The following POU6F2 variants were observed in gnomAD, a reference collection of about 807,000 sequenced individuals.
POU6F2 encodes POU class 6 homeobox 2, also known as POU domain, class 6, transcription factor 2.
A neutral mutation model predicts 71.3 loss-of-function variants in POU6F2; 31 were observed. The ratio of observed to expected loss-of-function variants is 0.43; its 90% CI spans 0.33 to 0.59. The LOEUF (loss-of-function observed/expected upper bound fraction) is 0.59, where lower values mean the gene tolerates loss of function less well. Ranked by LOEUF, POU6F2 falls within the 20% of genes least tolerant of loss-of-function variation. The pLI, the probability that POU6F2 is intolerant of heterozygous loss-of-function variation, is 0.04. For missense variants in POU6F2, 783 were observed against 856.8 expected (o/e 0.91, Z 1.07); for synonymous variants, 347 against 355.7 (o/e 0.98, Z 0.27).
At chr7:39,106,451 G>A (rs1255087411) in intron 2 of POU6F2, among the ~76,000 whole-genome samples, 1 of 152,140 alleles carries the variant, frequency 6.6e-6, no homozygotes, top group Non-Finnish European at 1.5e-5. Context: ...AATAAAATGG[G>A]TTTGTAGTTT....
intron 4 of POU6F2, among the ~76,000 whole-genome samples, chr7:39,291,199 A>G (rs1292407338): frequency 1.3e-5 from 2 of 152,216 alleles, no homozygotes; most frequent in Non-Finnish European, 2.9e-5. Context: ...CCATCTAATC[A>G]CCACTGTCTT....
intron 5 of POU6F2, among the ~76,000 whole-genome samples, chr7:39,368,050 A>C (rs2115740204): frequency 6.6e-6 from 1 of 152,254 alleles, no homozygotes; most frequent in Non-Finnish European, 1.5e-5. Flanking sequence ...TTGAAATTAG[A>C]CCAATTAATA....
chr7:39,466,962 C>A lies in POU6F2; in HGVS notation c.*2276C>A, dbSNP rs776820735. On this transcript the variant is annotated 3_prime_UTR_variant, in exon 10 of 10. Transcript: ENST00000518318. The stretch of plus-strand genomic sequence containing the variant: ...AAATTCCATCAAGAAAAGCTCCCTG[C>A]GAAGAGAAGTTAACAAGATAACATA... 3 of 152,050 alleles carry A rather than the reference C, an allele frequency of 2.0e-5. No individual in the cohort carries two copies. Among genetic ancestry groups the A allele is most frequent in the Non-Finnish European group, 4.4e-5 (3 of 68,014 alleles). The allele number at this position is 152,050 out of a possible 1,614,324, so 9.4% of individuals were successfully genotyped here. A position where few individuals can be genotyped will look rare whatever the true frequency, so the allele number is the denominator to read the frequency against.
chr7:39,387,727 C>T lies in POU6F2; in HGVS notation c.973-18873C>T, dbSNP rs117681634. Among the ~76,000 whole-genome samples, 50 of 152,326 alleles carry T rather than the reference C, an allele frequency of 3.3e-4. No homozygotes were observed. In the East Asian group the frequency reaches 4.2e-3, roughly 13 times the overall value. Reference sequence around the variant, plus strand: ...TGTTTTCATTTGCTACAGATGCTCTCGAGCTGCTGTCTTGATAGTCATGGA... The same window carrying T: ...TGTTTTCATTTGCTACAGATGCTCTTGAGCTGCTGTCTTGATAGTCATGGA... On this transcript the variant is annotated intron_variant, in intron 5 of 9. Transcript: ENST00000518318.
intron 5 of POU6F2, among the ~76,000 whole-genome samples, chr7:39,353,666 C>T (rs984820413): frequency 2.6e-5 from 4 of 152,136 alleles, no homozygotes; most frequent in African/African-American, 9.7e-5. Flanking sequence ...GAGAGAATGA[C>T]TAAGCAGTGC....
chr7:39,393,460 T>C (rs1787113243), intron 5 of POU6F2, among the ~76,000 whole-genome samples: 1 of 152,216 alleles, frequency 6.6e-6, no homozygotes, highest in Non-Finnish European at 1.5e-5. Flanking sequence ...TTCATGGATG[T>C]GAACCCAGGG....
chr7:39,392,287 C>T (rs1316615956), intron 5 of POU6F2, among the ~76,000 whole-genome samples: 1 of 152,194 alleles, frequency 6.6e-6, no homozygotes, highest in Non-Finnish European at 1.5e-5. Flanking sequence ...GTTATTAAAA[C>T]CCAGATTGCT....
intron 2 of POU6F2, among the ~76,000 whole-genome samples, chr7:39,112,686 G>A (rs913381839): frequency 6.6e-6 from 1 of 151,632 alleles, no homozygotes; most frequent in African/African-American, 2.4e-5. Flanking sequence ...CCCAATCAGT[G>A]TTTTACTTGA....
At chr7:39,314,136 G>A (rs1174548984) in intron 4 of POU6F2, among the ~76,000 whole-genome samples, 1 of 152,186 alleles carries the variant, frequency 6.6e-6, no homozygotes, top group Admixed American at 6.5e-5. Context: ...TCTGCCTGCA[G>A]GTCAGGTCCC....
At chr7:39,098,366 T>C (rs1221638267) in intron 2 of POU6F2, among the ~76,000 whole-genome samples, 1 of 151,988 alleles carries the variant, frequency 6.6e-6, no homozygotes, top group Non-Finnish European at 1.5e-5. Context: ...CTCAATCTCC[T>C]GGGCTCAAGC....
chr7:39,363,968 A>G (rs1339830572), intron 5 of POU6F2, among the ~76,000 whole-genome samples: 1 of 152,196 alleles, frequency 6.6e-6, no homozygotes, highest in African/African-American at 2.4e-5. Flanking sequence ...AAATGGCATA[A>G]TAGCTAGAGG....
At chr7:39,013,026 C>A (rs1165998917) in intron 1 of POU6F2, 1 of 152,246 alleles carries the variant, frequency 6.6e-6, no homozygotes, top group Non-Finnish European at 1.5e-5. Context: ...CAGAGGCAGG[C>A]AGGCCTCCTT....
At chr7:39,227,585 C>T (rs999765918) in intron 4 of POU6F2, among the ~76,000 whole-genome samples, 24 of 132,706 alleles carry the variant, frequency 1.8e-4, no homozygotes, top group African/African-American at 6.2e-4. Flanking sequence ...GACGGAGTCT[C>T]GCTCTGTCAC....
chr7:39,005,484 C>CTGTGTGTGTGTATGTGTGTGTG (rs1789034102), intron 1 of POU6F2, among the ~76,000 whole-genome samples: 1 of 126,610 alleles, frequency 7.9e-6, no homozygotes, highest in Non-Finnish European at 1.7e-5. Flanking sequence ...AGGGAGAAAC[C>CTGTGTGTGTGTATGTGTGTGTG]TGTGTGTGTG....
chr7:39,001,366 C>T (rs1295624395), intron 1 of POU6F2, among the ~76,000 whole-genome samples: 3 of 152,012 alleles, frequency 2.0e-5, no homozygotes, highest in Non-Finnish European at 4.4e-5. Context: ...GGTCAGGCAT[C>T]TATCCTGGGG....
intron 2 of POU6F2, among the ~76,000 whole-genome samples, chr7:39,173,257 C>T (rs1262233245): frequency 6.6e-6 from 1 of 152,210 alleles, no homozygotes; most frequent in African/African-American, 2.4e-5. Context: ...GCTGCTACTA[C>T]TTGGGATAGC....
chr7:39,048,732 C>A (rs10249708), intron 1 of POU6F2, among the ~76,000 whole-genome samples: 10,943 of 151,968 alleles, frequency 0.072, 529 homozygotes, highest in African/African-American at 0.13. Flanking sequence ...CATGGTAGTT[C>A]TAAGTTCTTT....
chr7:39,209,479 G>A (rs1282149565), intron 4 of POU6F2, among the ~76,000 whole-genome samples: 1 of 152,098 alleles, frequency 6.6e-6, no homozygotes, highest in Non-Finnish European at 1.5e-5. Flanking sequence ...TTGGAGGGAA[G>A]GTGATGAGGT....
In POU6F2 at chr7:39,085,863, C is replaced by T. The variant is rs1157050598; in HGVS notation, c.109C>T (p.Pro37Ser). 2 of 1,613,140 alleles carry T rather than the reference C, an allele frequency of 1.2e-6. No individual in the cohort carries two copies. Among genetic ancestry groups the T allele is most frequent in the African/African-American group, 1.3e-5 (1 of 74,808 alleles). Reference protein sequence around the residue: ...GTMQAVIGQDPMIAGQVSKPL... With the variant: ...GTMQAVIGQDSMIAGQVSKPL... ...TCACTCTTTTCGCCCATCCTAGGAT[C>T]CAATGATAGCTGGACAAGTCAGTAA... Residue 37 changes from proline to serine, a missense_variant, in exon 2 of 10, where the codon CCA (proline) becomes TCA (serine). Transcript: ENST00000518318.
Sources: gnomAD v4.1 joint callset for allele counts (sites outside exome capture counted in the v4.1 genomes callset) on GRCh38, gnomAD v4.1.1 for gene constraint, MANE v1.5 for transcripts, NCBI Gene and HGNC (gene_info 2026-07-23, HGNC 2026-07-21) for gene names.